The following SSBP4 variants were observed in gnomAD, a reference collection of about 807,000 sequenced individuals.
The protein encoded by SSBP4 is single stranded DNA binding protein 4, also known as single-stranded DNA-binding protein 4.
In SSBP4, 33 loss-of-function variants were observed where a neutral mutation model predicts 64.6. That is an observed-to-expected ratio of 0.51 (90% CI 0.39 to 0.68). SSBP4 has a LOEUF of 0.68. Among genes scored for constraint, SSBP4 ranks in the 30% least tolerant of loss-of-function variants. The pLI, the probability that SSBP4 is intolerant of heterozygous loss-of-function variation, is 0.00. For missense variants in SSBP4, 583 were observed against 566.8 expected, an observed-to-expected ratio of 1.03 and a Z score of -0.29; for synonymous variants, 243 against 224.0, an observed-to-expected ratio of 1.08 and a Z score of -0.76.
the SSBP4 span, among the ~76,000 whole-genome samples, chr19:18,412,038 G>A: frequency 9.2e-5 from 14 of 152,082 alleles, no homozygotes; most frequent in African/African-American, 3.1e-4. Context: ...GGTGGTGCAC[G>A]TCTGTTGCCC....
In SSBP4 at chr19:18,433,805, C is replaced by T. The variant is rs766791346; in HGVS notation, c.1116C>T (p.Phe372=). Residue 372 remains phenylalanine (F), a synonymous_variant, in exon 17 of 18, where the codon TTC becomes TTT. Transcript: ENST00000270061. ...MAAAGTFLHP[F]PSESYSPGMT... is the part of the protein sequence containing the mutation. ...CCGCCGGGACCTTCCTGCACCCGTT[C>T]CCGAGCGAAAGCGTAAGCGACTGCG... The T allele has an allele frequency of 5.3e-5, 77 of 1,439,564 alleles. No homozygotes were observed. In the Middle Eastern group the frequency reaches 1.1e-3, roughly 20 times the overall value. The allele number at this position is 1,439,564 out of a possible 1,614,324, so 89.2% of individuals were successfully genotyped here.
At chr19:18,407,517 C>A in the SSBP4 span, among the ~76,000 whole-genome samples, 2 of 151,868 alleles carry the variant, frequency 1.3e-5, no homozygotes, top group African/African-American at 4.8e-5. Context: ...CCCGGGTTCA[C>A]GCCATTCTCC....
rs2144739686 is a variant in SSBP4, at chr19:18,427,715, G to A, written c.133-37G>A. On this transcript the variant is annotated intron_variant, in intron 2 of 17. Transcript: ENST00000270061. The surrounding 1 kb of genome is among the most constrained non-coding windows in gnomAD (Gnocchi z 4.4). ...CTGCTGGGTGGTGGGGCAGGGTCAG[G>A]TAGGGCCACCCCCTCACCACCTTCC... 6.4e-7 allele frequency: 1 copy of A among 1,553,432 alleles called. No individual in the cohort carries two copies. The highest frequency in any genetic ancestry group is 8.7e-7 in the Non-Finnish European group (1 of 1,144,762).
intron 6 of SSBP4, 83 bp from the exon 7 acceptor site, chr19:18,431,564 G>C: frequency 6.7e-7 from 1 of 1,485,396 alleles, no homozygotes; most frequent in East Asian, 2.5e-5. Context: ...TCCCCAGGTC[G>C]GGGGCCCCAG....
chr19:18,413,264 A>G, the SSBP4 span, among the ~76,000 whole-genome samples: 3 of 151,592 alleles, frequency 2.0e-5, no homozygotes, highest in South Asian at 6.2e-4. Flanking sequence ...CCAGGAGTGC[A>G]ATGGCACAAT....
intron 17 of SSBP4, 97 bp from the exon 18 acceptor site, chr19:18,434,120 C>T: frequency 1.9e-6 from 3 of 1,556,858 alleles, no homozygotes; most frequent in Non-Finnish European, 2.6e-6. Flanking sequence ...GCCCAGGACC[C>T]AGCCCTGCCC....
At chr19:18,429,445 T>C (rs1180970489) in intron 4 of SSBP4, among the ~76,000 whole-genome samples, 1 of 131,052 alleles carries the variant, frequency 7.6e-6, no homozygotes, top group Non-Finnish European at 1.7e-5. Context: ...GGGCCTAGAG[T>C]TGGGAAGCTG....
chr19:18,416,011 A>T (rs1048177863), upstream of SSBP4, among the ~76,000 whole-genome samples: 2 of 152,012 alleles, frequency 1.3e-5, no homozygotes, highest in African/African-American at 4.8e-5. Context: ...GGAGCTTCTT[A>T]GGTTTTTTTA....
chr19:18,416,599 C>G (rs949913440), upstream of SSBP4, among the ~76,000 whole-genome samples: 12 of 152,324 alleles, frequency 7.9e-5, no homozygotes, highest in Admixed American at 6.5e-4. Context: ...TGGGCGTGGT[C>G]TAGCTCTCTG....
chr19:18,402,865 C>G, the SSBP4 span, among the ~76,000 whole-genome samples: 1 of 152,118 alleles, frequency 6.6e-6, no homozygotes, highest in African/African-American at 2.4e-5. Flanking sequence ...AAGATCTGAT[C>G]GTCCCCCCAG....
Position 18,433,055 on chromosome 19 carries a change from C to T in SSBP4, c.912+12C>T, listed in dbSNP as rs779102728. The T allele has an allele frequency of 6.2e-6, 10 of 1,613,894 alleles. No individual in the cohort carries two copies. In the East Asian group the frequency reaches 1.6e-4, roughly 25 times the overall value. ...CCGGCAGGGCTAATGTGAGTGGGGG[C>T]TTGCAGGGGTGCTTCTCGAGGCGGT... On this transcript the variant is annotated intron_variant, in intron 14 of 17. Transcript: ENST00000270061.
At position 18,432,814 on chromosome 19, in the gene SSBP4, G is replaced by A. The variant is rs1405145252; in HGVS notation, c.787-15G>A. On this transcript the variant is annotated splice_polypyrimidine_tract_variant and intron_variant, in intron 12 of 17. Transcript: ENST00000270061. ...TGAGGGGCCATTTCTCACGGTTCCT[G>A]TCTCTTGTGTGCAGGGACCCCCAGG... 6.2e-7 allele frequency: 1 copy of A among 1,613,856 alleles called. No homozygotes were observed. The highest frequency in any genetic ancestry group is 8.5e-7 in the Non-Finnish European group (1 of 1,179,932).
the SSBP4 span, among the ~76,000 whole-genome samples, chr19:18,413,661 C>T: frequency 1.3e-5 from 2 of 152,270 alleles, no homozygotes; most frequent in Non-Finnish European, 2.9e-5. Flanking sequence ...CAGGGGAGGT[C>T]GTGGGAAATG....
At chr19:18,418,886 T>G, upstream of SSBP4, 1 of 876,582 alleles carries the variant, frequency 1.1e-6, no homozygotes, top group Non-Finnish European at 1.4e-6. The surrounding 1 kb of genome is among the most constrained non-coding windows in gnomAD (Gnocchi z 6.7). Flanking sequence ...GTTTAGTTGT[T>G]CCAGGACGGC....
At chr19:18,431,155 G>T (rs187107667) in intron 5 of SSBP4, among the ~76,000 whole-genome samples, 198 bp from the exon 6 acceptor site, 2,360 of 152,078 alleles carry the variant, frequency 0.016, 27 homozygotes, top group Non-Finnish European at 0.023. Flanking sequence ...GCACATGTGT[G>T]CGCACAGGGT....
chr19:18,430,738 C>T, intron 4 of SSBP4, 103 bp from the exon 5 acceptor site: 1 of 1,012,476 alleles, frequency 9.9e-7, no homozygotes, highest in South Asian at 1.7e-5. Flanking sequence ...TGCCAGCTCG[C>T]TGTCCCATGG....
chr19:18,419,533 C>A lies in SSBP4; in HGVS notation c.-116C>A. The A allele has an allele frequency of 8.8e-7, 1 of 1,131,564 alleles. No homozygotes were observed. The highest frequency in any genetic ancestry group is 4.5e-5 in the East Asian group (1 of 22,018). The allele number at this position is 1,131,564 out of a possible 1,614,324, so 70.1% of individuals were successfully genotyped here. On this transcript the variant is annotated 5_prime_UTR_variant, in exon 1 of 18. Coordinates refer to ENST00000270061, the MANE Select transcript of SSBP4 (RefSeq NM_032627.5). ...CCCGCGCGGACGATGCCTGCCGTGC[C>A]CGCCTGGGGCTCGGGGCGGTGAGGC... is the stretch of plus-strand genomic sequence containing the variant.
chr19:18,432,795 G>A, intron 12 of SSBP4, 34 bp from the exon 13 acceptor site: 1 of 1,613,712 alleles, frequency 6.2e-7, no homozygotes, highest in Non-Finnish European at 8.5e-7. Context: ...CAGATGAGGG[G>A]CCATTTCTCA....
rs1187664608 is a variant in SSBP4, at chr19:18,431,778, G to A, written c.496-15G>A. 1.9e-5 allele frequency: 30 copies of A among 1,539,866 alleles called. No homozygotes were observed. The highest frequency in any genetic ancestry group is 4.1e-5 in the African/African-American group (3 of 72,868). ...GGAGCACCCCACACTCAGTGCCGCC[G>A]CACCCCCTCCGCAGCCTCCCGCAGG... On this transcript the variant is annotated splice_polypyrimidine_tract_variant and intron_variant, in intron 7 of 17. Coordinates refer to ENST00000270061, the MANE Select transcript of SSBP4 (RefSeq NM_032627.5).
Sources: gnomAD v4.1 joint callset for allele counts (sites outside exome capture counted in the v4.1 genomes callset) on GRCh38, gnomAD v4.1.1 for gene constraint, Gnocchi (gnomAD v3.1) non-coding constraint, MANE v1.5 for transcripts, NCBI Gene and HGNC (gene_info 2026-07-23, HGNC 2026-07-21) for gene names.